Variants in TTC21A observed in about 807,000 individuals in gnomAD.
TTC21A encodes tetratricopeptide repeat domain 21A.
Under a neutral mutation model 156.4 loss-of-function variants are expected in TTC21A, and 128 were observed. The observed-to-expected ratio is 0.82, with a 90% CI of 0.71 to 0.95. The LOEUF (loss-of-function observed/expected upper bound fraction) is 0.95. TTC21A is among the 40% of genes least tolerant of loss of function. The probability of loss-of-function intolerance (pLI) is 0.00; values close to 1 mark genes in which losing one functional copy is unlikely to be tolerated. For missense variants in TTC21A, 1,435 were observed against 1,602.3 expected (o/e 0.90, Z 1.78); for synonymous variants, 587 against 617.1 (o/e 0.95, Z 0.72).
intron 9 of TTC21A, among the ~76,000 whole-genome samples, chr3:39,121,547 A>G (rs188091936): frequency 6.6e-6 from 1 of 152,334 alleles, no homozygotes; most frequent in East Asian, 1.9e-4. Flanking sequence ...CCCCACATGC[A>G]GAGCCTCTAG....
At chr3:39,138,411 C>T (rs2039297939) in intron 27 of TTC21A, 24 bp downstream of exon 27, 24 of 1,613,702 alleles carry the variant, frequency 1.5e-5, no homozygotes, top group Non-Finnish European at 1.9e-5. Context: ...CCAGGGTGCA[C>T]GTGAATGGAC....
intron 9 of TTC21A, among the ~76,000 whole-genome samples, chr3:39,121,827 C>T (rs542527727): frequency 6.6e-6 from 1 of 152,226 alleles, no homozygotes; most frequent in African/African-American, 2.4e-5. Flanking sequence ...GACTCTTGCC[C>T]TGGCTCTGAG....
At chr3:39,137,161 G>A in intron 24 of TTC21A, 34 bp from the exon 25 acceptor site, 1 of 1,603,340 alleles carries the variant, frequency 6.2e-7, no homozygotes, top group Non-Finnish European at 8.5e-7. Flanking sequence ...CAGGCCACCG[G>A]CCTGTGTCTG....
chr3:39,125,328 A>G lies in TTC21A; in HGVS notation c.1192-4A>G, dbSNP rs2038132394. 6.2e-7 allele frequency: 1 copy of G among 1,613,462 alleles called. No individual in the cohort carries two copies. Among genetic ancestry groups the G allele is most frequent in the Non-Finnish European group, 8.5e-7 (1 of 1,179,892 alleles). On this transcript the variant is annotated splice_region_variant and splice_polypyrimidine_tract_variant and intron_variant, in intron 10 of 28. Transcript: ENST00000683103. ...GCACTGAGACTCGGTCCTCTCTTCC[A>G]CAGGTGCTAATTTTCCTCCAAGCCC...
At chr3:39,137,085 G>A (rs762651669) in intron 24 of TTC21A, 25 bp downstream of exon 24, 24 of 1,607,390 alleles carry the variant, frequency 1.5e-5, no homozygotes, top group South Asian at 3.3e-5. Context: ...AGGCAGGGGC[G>A]GAACCCTGGG....
intron 8 of TTC21A, among the ~76,000 whole-genome samples, chr3:39,120,500 A>G (rs1417228550): frequency 6.6e-6 from 1 of 152,174 alleles, no homozygotes; most frequent in African/African-American, 2.4e-5. Context: ...CAGACCCTTC[A>G]GCCCCAAAGC....
At position 39,121,094 on chromosome 3, in the gene TTC21A, G is replaced by A; in HGVS notation, c.998G>A (p.Gly333Asp). Reference sequence around the variant, plus strand: ...TATGTCCATGTGGCCACAGAACTGGGCTATCTCTTCATCCTGAAGAACCAA... The same window carrying A: ...TATGTCCATGTGGCCACAGAACTGGACTATCTCTTCATCCTGAAGAACCAA... ...PSYVHVATEL[G>D]YLFILKNQVK... is the part of the protein sequence containing the mutation. Residue 333 changes from glycine (G) to aspartate (D), a missense_variant, in exon 9 of 29, where the codon GGC becomes GAC. Coordinates refer to ENST00000683103, the MANE Select transcript of TTC21A (RefSeq NM_001366900.1). 1 of 1,614,126 alleles carries A rather than the reference G, an allele frequency of 6.2e-7. No homozygotes were observed. Among genetic ancestry groups the A allele is most frequent in the Non-Finnish European group, 8.5e-7 (1 of 1,180,012 alleles).
chr3:39,112,382 A>G, intron 4 of TTC21A, 76 bp from the exon 5 acceptor site: 1 of 1,536,074 alleles, frequency 6.5e-7, no homozygotes, highest in African/African-American at 1.4e-5. Flanking sequence ...TGGGTGGCAA[A>G]GTGTGGATCA....
intron 5 of TTC21A, 56 bp downstream of exon 5, chr3:39,112,636 G>C: frequency 6.2e-7 from 1 of 1,600,996 alleles, no homozygotes; most frequent in Non-Finnish European, 8.5e-7. Context: ...ACTGGAACCA[G>C]AGACCCACCA....
intron 4 of TTC21A, among the ~76,000 whole-genome samples, chr3:39,111,652 G>GA (rs2036840482): frequency 1.3e-5 from 2 of 152,024 alleles, no homozygotes; most frequent in Admixed American, 1.3e-4. Flanking sequence ...GGGAGAGGGT[G>GA]AAAAAAATCT....
intron 12 of TTC21A, among the ~76,000 whole-genome samples, chr3:39,126,665 GCACA>G (rs1197143028): frequency 1.3e-5 from 2 of 149,026 alleles, no homozygotes; most frequent in Admixed American, 6.7e-5. Context: ...GCACACACGT[GCACA>G]CACACACAGG....
At position 39,126,146 on chromosome 3, in the gene TTC21A, A is replaced by G. The variant is rs917916278; in HGVS notation, c.1393-115A>G. The G allele has an allele frequency of 2.3e-6, 3 of 1,311,724 alleles. No individual in the cohort carries two copies. The African/African-American group carries it at 4.4e-5, about 19-fold the overall frequency. 81.3% of individuals were successfully genotyped at this position (1,311,724 alleles called of 1,614,324 possible). ...AGCACTAGGTGATACAGAGGATAAT[A>G]AATAAGTGTGGAATGAAGCAAAATT... On this transcript the variant is annotated intron_variant, in intron 11 of 28. Transcript: ENST00000683103.
chr3:39,129,397 G>A (rs1173414025), intron 15 of TTC21A, 87 bp downstream of exon 15: 1 of 1,012,538 alleles, frequency 9.9e-7, no homozygotes, highest in Non-Finnish European at 1.5e-6. Context: ...CTTCAACCTG[G>A]GTCTCCAGAA....
chr3:39,133,220 T>A lies in TTC21A; in HGVS notation c.2731T>A (p.Tyr911Asn). 1 of 1,613,714 alleles carries A rather than the reference T, an allele frequency of 6.2e-7. No homozygotes were observed. The change falls in exon 20 of 29, where the codon TAC becomes AAC. Residue 911 changes from tyrosine to asparagine, a missense_variant. By Grantham distance (143) the Tyr-to-Asn change is moderately radical. Coordinates refer to ENST00000683103, the MANE Select transcript of TTC21A (RefSeq NM_001366900.1). ...ACAGTCTTATAAGGATGTCTTCTCC[T>A]ACTTGCCAACTGACAATAAGGTGAG... is the stretch of plus-strand genomic sequence containing the variant. The part of the protein sequence containing the change: ...AVQSYKDVFS[Y>N]LPTDNKVMLE...
At position 39,125,332 on chromosome 3, in the gene TTC21A, G is replaced by T; in HGVS notation, c.1192G>T (p.Val398Leu). The T allele has an allele frequency of 1.2e-6, 2 of 1,613,770 alleles. No homozygotes were observed. Among genetic ancestry groups the T allele is most frequent in the Non-Finnish European group, 1.7e-6 (2 of 1,179,942 alleles). The stretch of plus-strand genomic sequence containing the variant: ...TGAGACTCGGTCCTCTCTTCCACAG[G>T]TGCTAATTTTCCTCCAAGCCCTCCT... ...EVQKSLGKSE[V>L]LIFLQALLMS... is the part of the protein sequence containing the mutation. Residue 398 changes from valine (V) to leucine (L), a missense_variant and splice_region_variant, in exon 11 of 29, where the codon GTG becomes TTG. By Grantham distance (32) the Val-to-Leu change is conservative. Coordinates refer to ENST00000683103, the MANE Select transcript of TTC21A (RefSeq NM_001366900.1).
At chr3:39,121,279 A>G (rs1253933701) in intron 9 of TTC21A, 90 bp downstream of exon 9, 8 of 1,191,776 alleles carry the variant, frequency 6.7e-6, no homozygotes, top group Non-Finnish European at 9.5e-6. Context: ...GCTGGAAAGC[A>G]TTCTCCTTGA....
Position 39,130,017 on chromosome 3 carries a change from GA to G in TTC21A, c.2136-61del. The G allele has an allele frequency of 6.7e-7, 1 of 1,500,232 alleles. No homozygotes were observed. The highest frequency in any genetic ancestry group is 9.2e-7 in the Non-Finnish European group (1 of 1,083,074). The allele number at this position is 1,500,232 out of a possible 1,614,324, so 92.9% of individuals were successfully genotyped here. ...TCAGTGGGAAGGAAGTGAAGGAGATGATTTCAGGAACATGAGGTGTGTGCGA... is the reference window on the plus strand; with the variant it reads ...TCAGTGGGAAGGAAGTGAAGGAGATGTTTCAGGAACATGAGGTGTGTGCGA... On this transcript the variant is annotated intron_variant, in intron 15 of 28. Coordinates refer to ENST00000683103, the MANE Select transcript of TTC21A (RefSeq NM_001366900.1). The surrounding 1 kb of genome is among the most constrained non-coding windows in gnomAD (Gnocchi z 4.5).
chr3:39,117,988 G>A (rs560232194), intron 6 of TTC21A, 81 bp from the exon 7 acceptor site: 1 of 973,380 alleles, frequency 1.0e-6, no homozygotes, highest in Non-Finnish European at 1.7e-6. Flanking sequence ...GATATTCAAA[G>A]ACAATCAGAA....
At chr3:39,124,909 G>A (rs964295972) in intron 9 of TTC21A, among the ~76,000 whole-genome samples, 154 bp from the exon 10 acceptor site, 2 of 152,172 alleles carry the variant, frequency 1.3e-5, no homozygotes, top group African/African-American at 4.8e-5. Flanking sequence ...TTGAGCATGA[G>A]CATGTATTTC....
Sources: allele counts gnomAD v4.1 joint callset (sites outside exome capture counted in the v4.1 genomes callset), GRCh38; gene constraint gnomAD v4.1.1; non-coding constraint Gnocchi (gnomAD v3.1); transcripts MANE v1.5; gene names NCBI Gene and HGNC (gene_info 2026-07-23, HGNC 2026-07-21).